ZCCHC7: variants seen among roughly 807,000 people sequenced by gnomAD.
ZCCHC7 encodes the protein zinc finger CCHC domain-containing protein 7.
A neutral mutation model predicts 52.0 loss-of-function variants in ZCCHC7; 35 were observed. The ratio of observed to expected loss-of-function variants is 0.67; its 90% CI spans 0.51 to 0.89. The LOEUF (loss-of-function observed/expected upper bound fraction) is 0.89, where lower values mean the gene tolerates loss of function less well. Among genes scored for constraint, ZCCHC7 ranks in the 40% least tolerant of loss-of-function variants. ZCCHC7 has a pLI of 0.00. For missense variants in ZCCHC7, 574 were observed against 649.1 expected (o/e 0.88, Z 1.26); for synonymous variants, 217 against 221.5 (o/e 0.98, Z 0.18).
At chr9:37,273,589 G>A (rs956315416) in intron 2 of ZCCHC7, among the ~76,000 whole-genome samples, 1 of 152,146 alleles carries the variant, frequency 6.6e-6, no homozygotes, top group Non-Finnish European at 1.5e-5. Context: ...CCTCAGCAAG[G>A]GTAATCATCA....
intron 2 of ZCCHC7, among the ~76,000 whole-genome samples, chr9:37,142,407 G>A (rs1320594824): frequency 1.3e-5 from 2 of 151,636 alleles, no homozygotes; most frequent in Admixed American, 1.3e-4. Flanking sequence ...TTAATTACAG[G>A]TTTTTTCTTG....
intron 8 of ZCCHC7, among the ~76,000 whole-genome samples, chr9:37,356,091 T>C (rs1160339628): frequency 6.6e-6 from 1 of 152,240 alleles, no homozygotes; most frequent in Non-Finnish European, 1.5e-5. Context: ...GTGTTCACTA[T>C]GATCCTTTGA....
At chr9:37,256,180 T>C (rs1564205915) in intron 2 of ZCCHC7, among the ~76,000 whole-genome samples, 1 of 152,176 alleles carries the variant, frequency 6.6e-6, no homozygotes, top group Non-Finnish European at 1.5e-5. Flanking sequence ...TAAATTATGA[T>C]AGGTCATGGA....
At chr9:37,164,482 TAGATAGATAGATAGATAGAC>T (rs1188559920) in intron 2 of ZCCHC7, among the ~76,000 whole-genome samples, 2 of 145,612 alleles carry the variant, frequency 1.4e-5, no homozygotes, top group East Asian at 2.1e-4. Context: ...GATAGATAGA[TAGATAGATAGATAGATAGAC>T]AGACAAGATA....
At chr9:37,318,622 G>A (rs566868511) in intron 5 of ZCCHC7, among the ~76,000 whole-genome samples, 52 of 151,958 alleles carry the variant, frequency 3.4e-4, no homozygotes, top group Non-Finnish European at 5.6e-4. Flanking sequence ...ATAGAAAAAA[G>A]TTTGAGTGGG....
chr9:37,352,511 C>CTTT (rs869266535), intron 7 of ZCCHC7, among the ~76,000 whole-genome samples: 3,866 of 81,450 alleles, frequency 0.047, 383 homozygotes, highest in African/African-American at 0.12. Flanking sequence ...ACAATTTGCT[C>CTTT]TTTTTTTTTT....
chr9:37,323,531 TA>T (rs1196764602), intron 5 of ZCCHC7, among the ~76,000 whole-genome samples: 1 of 152,184 alleles, frequency 6.6e-6, no homozygotes, highest in Non-Finnish European at 1.5e-5. Context: ...ACCGATTGGT[TA>T]AAAAAATTAT....
rs2118743698 is a variant in ZCCHC7, at chr9:37,358,091, C to A, written c.*823C>A. On this transcript the variant is annotated 3_prime_UTR_variant, in exon 9 of 9. Coordinates refer to ENST00000336755, the MANE Select transcript of ZCCHC7 (RefSeq NM_032226.3). ...TACAGATTTTTTTGTACTTGTGGAT[C>A]TTTTGTACTTCTCATAACCTAATGT... The A allele has an allele frequency of 6.6e-6, 1 of 152,194 alleles. No individual in the cohort carries two copies. The highest frequency in any genetic ancestry group is 2.1e-4 in the South Asian group (1 of 4,824). The allele number at this position is 152,194 out of a possible 1,614,324, so 9.4% of individuals were successfully genotyped here. A position where few individuals can be genotyped will look rare whatever the true frequency, so the allele number is the denominator to read the frequency against.
intron 2 of ZCCHC7, among the ~76,000 whole-genome samples, chr9:37,172,762 A>G (rs896695950): frequency 2.0e-5 from 3 of 151,358 alleles, no homozygotes; most frequent in African/African-American, 7.3e-5. Flanking sequence ...TGAGTGAGCA[A>G]TGTGGGCATT....
chr9:37,223,234 A>C (rs1824919701), intron 2 of ZCCHC7, among the ~76,000 whole-genome samples: 1 of 152,192 alleles, frequency 6.6e-6, no homozygotes. Flanking sequence ...CAAAAGGTGG[A>C]AACAACCCGT....
At chr9:37,179,068 G>A (rs1822211585) in intron 2 of ZCCHC7, among the ~76,000 whole-genome samples, 1 of 152,018 alleles carries the variant, frequency 6.6e-6, no homozygotes, top group Admixed American at 6.6e-5. Flanking sequence ...CTTTTCCGTA[G>A]TATCTTGATC....
chr9:37,181,170 T>C (rs546068406), intron 2 of ZCCHC7, among the ~76,000 whole-genome samples: 28 of 152,200 alleles, frequency 1.8e-4, no homozygotes, highest in Non-Finnish European at 3.1e-4. Flanking sequence ...GTTTTGTAGC[T>C]TTCTTTGTTA....
chr9:37,336,938 C>G, intron 6 of ZCCHC7, among the ~76,000 whole-genome samples: 1 of 152,208 alleles, frequency 6.6e-6, no homozygotes, highest in Admixed American at 6.5e-5. Flanking sequence ...GGGGTCCAAA[C>G]AGTGGTAAGA....
chr9:37,269,043 A>G (rs1368323421), intron 2 of ZCCHC7, among the ~76,000 whole-genome samples: 3 of 152,204 alleles, frequency 2.0e-5, no homozygotes, highest in African/African-American at 4.8e-5. Context: ...GGTGAGGCAA[A>G]GAGTGTTTTG....
intron 2 of ZCCHC7, among the ~76,000 whole-genome samples, chr9:37,246,114 A>C (rs911851634): frequency 7.2e-5 from 11 of 152,154 alleles, no homozygotes; most frequent in African/African-American, 2.7e-4. Flanking sequence ...GATCAAACTT[A>C]AAGAGACTGA....
intron 2 of ZCCHC7, among the ~76,000 whole-genome samples, chr9:37,180,878 A>T (rs1255007259): frequency 6.6e-6 from 1 of 152,012 alleles, no homozygotes; most frequent in Non-Finnish European, 1.5e-5. Context: ...TTAATCTCTA[A>T]TTAGTAGATT....
chr9:37,295,239 C>A (rs1348249743), intron 2 of ZCCHC7, among the ~76,000 whole-genome samples: 1 of 152,042 alleles, frequency 6.6e-6, no homozygotes, highest in Non-Finnish European at 1.5e-5. Context: ...ATAGGCATAG[C>A]TGCAGAGAAC....
At chr9:37,142,755 A>G (rs1387897440) in intron 2 of ZCCHC7, among the ~76,000 whole-genome samples, 1 of 151,710 alleles carries the variant, frequency 6.6e-6, no homozygotes, top group Non-Finnish European at 1.5e-5. Context: ...TAAAAGGTGT[A>G]TTGTAATTTT....
Position 37,333,416 on chromosome 9 carries a change from C to T in ZCCHC7, c.987+5582C>T, listed in dbSNP as rs568737003. 2.9e-4 allele frequency among the ~76,000 whole-genome samples: 44 copies of T among 151,654 alleles called. No homozygotes were observed. In the South Asian group the frequency reaches 7.9e-3, roughly 27 times the overall value. ...ATAGTGACTTCCTTTCTTTATTTGACGGAAAAAGTCCCTGTGCTTTTTATT... is the reference window on the plus strand; with the variant it reads ...ATAGTGACTTCCTTTCTTTATTTGATGGAAAAAGTCCCTGTGCTTTTTATT... On this transcript the variant is annotated intron_variant, in intron 6 of 8. Coordinates refer to ENST00000336755, the MANE Select transcript of ZCCHC7 (RefSeq NM_032226.3).
Sources: gnomAD v4.1 joint callset for allele counts (sites outside exome capture counted in the v4.1 genomes callset) on GRCh38, gnomAD v4.1.1 for gene constraint, MANE v1.5 for transcripts, NCBI Gene and HGNC (gene_info 2026-07-23, HGNC 2026-07-21) for gene names.